Variants in ATP1A2 observed in about 807,000 individuals in gnomAD.
ATP1A2 encodes sodium/potassium-transporting ATPase subunit alpha-2.
In ATP1A2, 56 loss-of-function variants were observed where a neutral mutation model predicts 113.1. The observed-to-expected ratio is 0.49, with a 90% CI of 0.40 to 0.62. The LOEUF is 0.62. Among genes scored for constraint, ATP1A2 ranks in the 20% least tolerant of loss-of-function variants. The probability of loss-of-function intolerance (pLI) is 0.00; values close to 1 mark genes in which losing one functional copy is unlikely to be tolerated. For missense variants in ATP1A2, 712 were observed against 1,357.8 expected (o/e 0.52, Z 7.47); for synonymous variants, 490 against 526.8 (o/e 0.93, Z 0.96).
chr1:160,116,242 C>T (rs187136848), intron 1 of ATP1A2, among the ~76,000 whole-genome samples: 1 of 152,138 alleles, frequency 6.6e-6, no homozygotes. Context: ...CACTGTGAGT[C>T]CTCCTGTCTT....
chr1:160,130,496 C>T lies in ATP1A2; in HGVS notation c.1726C>T (p.Pro576Ser), dbSNP rs755312525. 3 of 1,614,226 alleles carry T rather than the reference C, an allele frequency of 1.9e-6. No homozygotes were observed. The highest frequency in any genetic ancestry group is 1.6e-4 in the Middle Eastern group (1 of 6,062). Residue 576 changes from proline to serine, a missense_variant, in exon 13 of 23, where the codon CCC becomes TCC. Physicochemically the swap from Pro to Ser is moderately conservative, Grantham distance 74 (BLOSUM62 -1). This residue lies in a region of ATP1A2 where 263 missense variants were observed against 380.6 expected (regional missense o/e 0.69). Coordinates refer to ENST00000361216, the MANE Select transcript of ATP1A2 (RefSeq NM_000702.4). ...ATTCGACACGGATGAGCTGAACTTT[C>T]CCACGGAGAAGCTTTGCTTTGTGGG... ...FKFDTDELNF[P>S]TEKLCFVGLM...
Position 160,139,679 on chromosome 1 carries a change from G to A in ATP1A2, c.2880G>A (p.Ala960=), listed in dbSNP as rs762969049. The A allele has an allele frequency of 6.2e-6, 10 of 1,614,048 alleles. No homozygotes were observed. The highest frequency in any genetic ancestry group is 2.2e-5 in the East Asian group (1 of 44,880). ...TTTTTGGGCTCCTGGAGGAGACGGC[G>A]TTGGCTGCCTTTCTCTCTTACTGCC... The part of the protein sequence containing the change: ...ILIFGLLEET[A]LAAFLSYCPG... Residue 960 remains alanine, a synonymous_variant, in exon 21 of 23, where the codon GCG becomes GCA. Transcript: ENST00000361216.
At chr1:160,138,885 ACATTTCAGTGACAG>A (rs1558009865) in intron 20 of ATP1A2, among the ~76,000 whole-genome samples, 8 of 152,288 alleles carry the variant, frequency 5.3e-5, no homozygotes, top group Non-Finnish European at 1.2e-4. Context: ...CTGTCACTGA[ACATTTCAGTGACAG>A]AACATTGCAG....
intron 6 of ATP1A2, among the ~76,000 whole-genome samples, chr1:160,124,888 G>A (rs957892653): frequency 2.6e-5 from 4 of 152,198 alleles, no homozygotes; most frequent in African/African-American, 9.7e-5. Flanking sequence ...CCATTTTACA[G>A]TTGAGTACAT....
At position 160,130,554 on chromosome 1, in the gene ATP1A2, C is replaced by T. The variant is rs1211758102; in HGVS notation, c.1784C>T (p.Ala595Val). 2 of 1,614,218 alleles carry T rather than the reference C, an allele frequency of 1.2e-6. No individual in the cohort carries two copies. The change falls in exon 13 of 23, where the codon GCT (alanine) becomes GTT (valine). Residue 595 changes from alanine (A) to valine (V), a missense_variant. Transcript: ENST00000361216. ...LMSMIDPPRA[A>V]VPDAVGKCRS... ...TCTATGATTGACCCTCCCCGGGCTG[C>T]TGTGCCAGATGCTGTGGGCAAGTGC...
chr1:160,122,819 C>G (rs192024125), intron 3 of ATP1A2, among the ~76,000 whole-genome samples: 1 of 152,028 alleles, frequency 6.6e-6, no homozygotes, highest in South Asian at 2.1e-4. Context: ...AAGAATCCAT[C>G]TCTTAAAAAA....
At chr1:160,123,914 A>G in intron 4 of ATP1A2, 29 bp from the exon 5 acceptor site, 2 of 1,607,154 alleles carry the variant, frequency 1.2e-6, no homozygotes, top group East Asian at 2.2e-5. Flanking sequence ...GGGGAAGGTC[A>G]GGTCCCTGAA....
rs1310544806 is a variant in ATP1A2 at position 160,141,220 on chromosome 1, A to C, written c.3035-74A>C. ...TCCTTCCACCTGGCTTCAGCGACCC[A>C]AGCCCCTAGGAAATTGATCTCTTGC... On this transcript the variant is annotated intron_variant, in intron 22 of 22. Transcript: ENST00000361216. The C allele has an allele frequency of 5.0e-6, 8 of 1,593,714 alleles. No individual in the cohort carries two copies. The African/African-American group carries it at 1.1e-4, about 21-fold the overall frequency.
chr1:160,134,581 C>T lies in ATP1A2; in HGVS notation c.1925C>T (p.Ala642Val). Residue 642 changes from alanine to valine, a missense_variant, in exon 14 of 23, where the codon GCA (alanine) becomes GTA (valine). Physicochemically the swap from Ala to Val is moderately conservative, Grantham distance 64. Coordinates refer to ENST00000361216, the MANE Select transcript of ATP1A2 (RefSeq NM_000702.4). ...GGTAACGAGACTGTGGAGGACATTG[C>T]AGCCCGGCTCAACATTCCCATGAGT... is the stretch of plus-strand genomic sequence containing the variant. ...SEGNETVEDI[A>V]ARLNIPMSQV... is the part of the protein sequence containing the mutation. 2 of 1,614,258 alleles carry T rather than the reference C, an allele frequency of 1.2e-6. No individual in the cohort carries two copies. Among genetic ancestry groups the T allele is most frequent in the Non-Finnish European group, 1.7e-6 (2 of 1,180,046 alleles).
chr1:160,122,486 C>A (rs142470097), intron 3 of ATP1A2, among the ~76,000 whole-genome samples: 1 of 150,996 alleles, frequency 6.6e-6, no homozygotes. Flanking sequence ...AGAAAAAATG[C>A]AATCCTAGGA....
At chr1:160,126,614 G>C (rs968324854) in intron 7 of ATP1A2, among the ~76,000 whole-genome samples, 1 of 151,886 alleles carries the variant, frequency 6.6e-6, no homozygotes, top group Non-Finnish European at 1.5e-5. Flanking sequence ...GACTACAGGC[G>C]CGTGATACCA....
Position 160,129,358 on chromosome 1 carries a change from C to T in ATP1A2, c.1419C>T (p.Pro473=). 6.2e-7 allele frequency: 1 copy of T among 1,614,132 alleles called. No individual in the cohort carries two copies. The highest frequency in any genetic ancestry group is 1.1e-5 in the South Asian group (1 of 91,080). Residue 473 remains proline (P), a synonymous_variant, in exon 11 of 23, where the codon CCC becomes CCT. Coordinates refer to ENST00000361216, the MANE Select transcript of ATP1A2 (RefSeq NM_000702.4). ...TGAGGAAAATGAGAGACAGAAACCC[C>T]AAGGTGGCAGAGATTCCTTTCAACT... The part of the protein sequence containing the change: ...GSVRKMRDRN[P]KVAEIPFNST...
chr1:160,122,309 A>C (rs939068914), intron 3 of ATP1A2, among the ~76,000 whole-genome samples: 3 of 151,992 alleles, frequency 2.0e-5, no homozygotes, highest in Non-Finnish European at 4.4e-5. Context: ...ACCTCTCCAG[A>C]TCATAAGCTC....
At chr1:160,116,880 T>C (rs1439581124) in intron 1 of ATP1A2, among the ~76,000 whole-genome samples, 1 of 152,146 alleles carries the variant, frequency 6.6e-6, no homozygotes, top group Non-Finnish European at 1.5e-5. Flanking sequence ...ATCCTGAGCC[T>C]GGACACCAGG....
rs1433870888 is a variant in ATP1A2, at chr1:160,136,990, C to A, written c.2799C>A (p.Ile933=). The change falls in exon 20 of 23, where the codon ATC becomes ATA. Residue 933 remains isoleucine, a synonymous_variant. Coordinates refer to ENST00000361216, the MANE Select transcript of ATP1A2 (RefSeq NM_000702.4). Reference sequence around the variant, plus strand: ...TGGTGCAGTGGGCTGACCTCATCATCTGCAAGACCCGCCGCAACTCAGTCT... The same window carrying A: ...TGGTGCAGTGGGCTGACCTCATCATATGCAAGACCCGCCGCAACTCAGTCT... ...IVVVQWADLI[I]CKTRRNSVFQ... is the part of the protein sequence containing the mutation. The A allele has an allele frequency of 6.2e-7, 1 of 1,614,172 alleles. No individual in the cohort carries two copies.
At chr1:160,140,155 C>T in intron 22 of ATP1A2, 171 bp downstream of exon 22, 1 of 679,544 alleles carries the variant, frequency 1.5e-6, no homozygotes, top group South Asian at 1.7e-5. Context: ...AACCTGTTGT[C>T]TCTGCCCTCT....
intron 13 of ATP1A2, 76 bp from the exon 14 acceptor site, chr1:160,134,408 C>T (rs1651870092): frequency 4.4e-6 from 7 of 1,607,618 alleles, no homozygotes; most frequent in Non-Finnish European, 6.0e-6. Context: ...CTAGCTTTCT[C>T]TTACTTTGGG....
In ATP1A2 at chr1:160,117,808, C is replaced by T. The variant is rs532107039; in HGVS notation, c.12+1935C>T. Among the ~76,000 whole-genome samples the T allele has an allele frequency of 2.2e-4, 33 of 152,288 alleles. No individual in the cohort carries two copies. In the East Asian group the frequency reaches 3.1e-3, roughly 14 times the overall value. On this transcript the variant is annotated intron_variant, in intron 1 of 22. Transcript: ENST00000361216. ...GGAGCCCAGCCTGCTCCAGCTACCA[C>T]GGAGAGGCTGAGATGGGGGGAGCGT... is the stretch of plus-strand genomic sequence containing the variant.
At chr1:160,126,890 G>A (rs981025916) in intron 7 of ATP1A2, among the ~76,000 whole-genome samples, 1 of 152,158 alleles carries the variant, frequency 6.6e-6, no homozygotes, top group African/African-American at 2.4e-5. Flanking sequence ...TTTGAAAAGA[G>A]GAAAGGAAAT....
Sources: allele counts gnomAD v4.1 joint callset (sites outside exome capture counted in the v4.1 genomes callset), GRCh38; gene constraint gnomAD v4.1.1; regional missense constraint gnomAD v4.1.1; transcripts MANE v1.5; gene names NCBI Gene and HGNC (gene_info 2026-07-23, HGNC 2026-07-21).